SCAPER: variants seen among roughly 807,000 people sequenced by gnomAD.
SCAPER encodes the protein S-phase cyclin A associated protein in the ER.
In SCAPER, 98 loss-of-function variants were observed where a neutral mutation model predicts 182.2. The ratio of observed to expected loss-of-function variants is 0.54; its 90% CI spans 0.46 to 0.64. The LOEUF (loss-of-function observed/expected upper bound fraction) is 0.64, where lower values mean the gene tolerates loss of function less well. Among genes scored for constraint, SCAPER ranks in the 30% least tolerant of loss-of-function variants. The pLI, the probability that SCAPER is intolerant of heterozygous loss-of-function variation, is 0.00. For missense variants in SCAPER, 1,432 were observed against 1,690.0 expected (o/e 0.85, Z 2.68); for synonymous variants, 605 against 564.6 (o/e 1.07, Z -1.01).
At chr15:76,869,769 T>A (rs965814719) in intron 2 of SCAPER, among the ~76,000 whole-genome samples, 9 of 152,036 alleles carry the variant, frequency 5.9e-5, no homozygotes, top group Non-Finnish European at 1.2e-4. Flanking sequence ...ATATCCAAAA[T>A]AAAGGAAACT....
At chr15:76,370,798 A>G (rs1440483001) in intron 29 of SCAPER, among the ~76,000 whole-genome samples, 1 of 152,146 alleles carries the variant, frequency 6.6e-6, no homozygotes, top group East Asian at 1.9e-4. Context: ...TAAATTGTGG[A>G]CCATTTCTAC....
intron 23 of SCAPER, among the ~76,000 whole-genome samples, chr15:76,547,303 A>G: frequency 6.6e-6 from 1 of 152,280 alleles, no homozygotes. Context: ...ACCTATTGAA[A>G]TATTTATTAG....
In SCAPER at chr15:76,525,215, T is replaced by A. The variant is rs868853278; in HGVS notation, c.2839-20241A>T. 8.5e-5 allele frequency among the ~76,000 whole-genome samples: 13 copies of A among 152,294 alleles called. No homozygotes were observed. The Middle Eastern group carries it at 0.01, about 120-fold the overall frequency. ...TTTCCTGCATAGTAATTTTGATTCA[T>A]AGGATTAGTAACCTATTGAAAATCT... On this transcript the variant is annotated intron_variant, in intron 23 of 31. Transcript: ENST00000563290.
At chr15:76,721,848 G>C (rs1176796499) in intron 17 of SCAPER, among the ~76,000 whole-genome samples, 2 of 152,122 alleles carry the variant, frequency 1.3e-5, no homozygotes, top group Non-Finnish European at 2.9e-5. Flanking sequence ...GGGTTTTCTA[G>C]ATATACAATC....
rs114276017 is a variant in SCAPER, at chr15:76,407,380, C to T, written c.3312-2701G>A. Among the ~76,000 whole-genome samples the T allele has an allele frequency of 2.7e-3, 415 of 152,272 alleles. 1 individual carries two copies. The highest frequency in any genetic ancestry group is 9.7e-3 in the African/African-American group (402 of 41,542). The stretch of plus-strand genomic sequence containing the variant: ...ACAGGACCGCCATTGTATATGTGGT[C>T]TGTTGTTGACTAAAAAGTCATTATG... On this transcript the variant is annotated intron_variant, in intron 26 of 31. Transcript: ENST00000563290.
intron 1 of SCAPER, among the ~76,000 whole-genome samples, chr15:76,904,160 G>C (rs1355049836): frequency 6.6e-6 from 1 of 151,992 alleles, no homozygotes; most frequent in Non-Finnish European, 1.5e-5. Flanking sequence ...GTGGGACAGT[G>C]GTCAGACTAC....
At chr15:76,613,985 T>C (rs1480031841) in intron 22 of SCAPER, among the ~76,000 whole-genome samples, 1 of 152,042 alleles carries the variant, frequency 6.6e-6, no homozygotes, top group African/African-American at 2.4e-5. Context: ...AACAAAGACA[T>C]GGAATCAATT....
intron 22 of SCAPER, among the ~76,000 whole-genome samples, chr15:76,592,111 T>C (rs949668279): frequency 3.3e-5 from 5 of 149,740 alleles, no homozygotes; most frequent in Admixed American, 2.7e-4. Flanking sequence ...ATTATATATA[T>C]AATATCTATG....
rs1409700509 is a variant in SCAPER, at chr15:76,841,821, G to A, written c.306C>T (p.Tyr102=). The A allele has an allele frequency of 1.2e-6, 2 of 1,613,902 alleles. No individual in the cohort carries two copies. Among genetic ancestry groups the A allele is most frequent in the African/African-American group, 1.3e-5 (1 of 75,036 alleles). The change falls in exon 5 of 32, where the codon TAC becomes TAT. Residue 102 remains tyrosine (Y), a synonymous_variant. Transcript: ENST00000563290. ...GAAGATTATCAAAAAGAAATGCCCA[G>A]TATCGAGCTCTTAGATCAATTTTCC... ...HPRKIDLRAR[Y]WAFLFDNLRR... is the part of the protein sequence containing the mutation.
At chr15:76,402,178 G>C (rs1168149224) in intron 27 of SCAPER, among the ~76,000 whole-genome samples, 2 of 152,022 alleles carry the variant, frequency 1.3e-5, no homozygotes, top group African/African-American at 4.8e-5. Context: ...ACAGGTTAGG[G>C]CTTAGGATCC....
intron 23 of SCAPER, among the ~76,000 whole-genome samples, chr15:76,543,040 G>T (rs2044917738): frequency 6.6e-6 from 1 of 151,858 alleles, no homozygotes; most frequent in African/African-American, 2.4e-5. Context: ...ATAATTATGG[G>T]TACATAATAG....
chr15:76,753,429 T>C (rs947454767), intron 15 of SCAPER, among the ~76,000 whole-genome samples: 39 of 151,908 alleles, frequency 2.6e-4, no homozygotes, highest in African/African-American at 8.7e-4. Context: ...TCTATACTGA[T>C]AGAAAGCAGA....
At chr15:76,788,816 C>A (rs1250749045) in intron 8 of SCAPER, among the ~76,000 whole-genome samples, 1 of 152,080 alleles carries the variant, frequency 6.6e-6, no homozygotes, top group African/African-American at 2.4e-5. Context: ...CCAGCTTCAA[C>A]AATTATCAAC....
chr15:76,649,330 T>C (rs1259255721), intron 21 of SCAPER, among the ~76,000 whole-genome samples: 1 of 151,988 alleles, frequency 6.6e-6, no homozygotes, highest in Non-Finnish European at 1.5e-5. Flanking sequence ...CTCAGGAGGC[T>C]GGGATGGGAG....
At chr15:76,759,649 A>T (rs1026819607) in intron 14 of SCAPER, among the ~76,000 whole-genome samples, 2 of 152,166 alleles carry the variant, frequency 1.3e-5, no homozygotes, top group Admixed American at 1.3e-4. Flanking sequence ...TTCTATACCT[A>T]GTATGTTGAG....
intron 4 of SCAPER, among the ~76,000 whole-genome samples, chr15:76,844,484 G>GA (rs1288537964): frequency 1.3e-5 from 2 of 152,004 alleles, no homozygotes; most frequent in East Asian, 3.9e-4. Flanking sequence ...AGCTCTCCAA[G>GA]AAAAGAGAGA....
At chr15:76,357,188 A>C (rs191131017) in intron 29 of SCAPER, among the ~76,000 whole-genome samples, 14 of 149,184 alleles carry the variant, frequency 9.4e-5, no homozygotes, top group Admixed American at 2.0e-4. Flanking sequence ...ACACACACAC[A>C]CCCCTATGGC....
At chr15:76,418,664 G>A (rs1440252320) in intron 26 of SCAPER, among the ~76,000 whole-genome samples, 2 of 152,224 alleles carry the variant, frequency 1.3e-5, no homozygotes, top group African/African-American at 4.8e-5. Flanking sequence ...GTAGCTGGCT[G>A]GATCCTAGGC....
chr15:76,553,060 C>T lies in SCAPER; in HGVS notation c.2838+21098G>A, dbSNP rs137952700. On this transcript the variant is annotated intron_variant, in intron 23 of 31. Transcript: ENST00000563290. ...TCTCCCATTGAAACTTTCCCTCTGCCGCTTTGCTGGCATGCACTTGCCCAC... is the reference window on the plus strand; with the variant it reads ...TCTCCCATTGAAACTTTCCCTCTGCTGCTTTGCTGGCATGCACTTGCCCAC... 2.2e-4 allele frequency among the ~76,000 whole-genome samples: 33 copies of T among 152,124 alleles called. 1 individual carries two copies. Among genetic ancestry groups the T allele is most frequent in the African/African-American group, 7.5e-4 (31 of 41,502 alleles).
Sources: gnomAD v4.1 joint callset for allele counts (sites outside exome capture counted in the v4.1 genomes callset) on GRCh38, gnomAD v4.1.1 for gene constraint, MANE v1.5 for transcripts, NCBI Gene and HGNC (gene_info 2026-07-23, HGNC 2026-07-21) for gene names.